The following TRAIP variants were observed in gnomAD, a reference collection of about 807,000 sequenced individuals.
TRAIP encodes TRAF interacting protein, also known as E3 ubiquitin-protein ligase TRAIP.
TRAIP carries 37 observed loss-of-function variants against 65.0 expected under a neutral mutation model. The ratio of observed to expected loss-of-function variants is 0.57; its 90% CI spans 0.44 to 0.75. The LOEUF is 0.75. Among genes scored for constraint, TRAIP ranks in the 30% least tolerant of loss-of-function variants. The probability of loss-of-function intolerance (pLI) is 0.00; values close to 1 mark genes in which losing one functional copy is unlikely to be tolerated. For synonymous variants in TRAIP, 187 were observed against 219.1 expected, an observed-to-expected ratio of 0.85 and a Z score of 1.29; for missense variants, 481 against 579.4, an observed-to-expected ratio of 0.83 and a Z score of 1.74.
At chr3:49,853,929 C>A (rs17598137) in intron 1 of TRAIP, among the ~76,000 whole-genome samples, 10,273 of 151,018 alleles carry the variant, frequency 0.068, 486 homozygotes, top group Non-Finnish European at 0.11. Context: ...AAAAAAAGTT[C>A]AATCCTGCAA....
chr3:49,852,259 C>T (rs1179145883), intron 1 of TRAIP, among the ~76,000 whole-genome samples: 5 of 150,992 alleles, frequency 3.3e-5, no homozygotes, highest in South Asian at 2.1e-4. Context: ...CCCAGCTACT[C>T]GGGAGGTTGA....
chr3:49,848,165 G>A lies in TRAIP; in HGVS notation c.134C>T (p.Thr45Ile). The A allele has an allele frequency of 6.2e-7, 1 of 1,614,228 alleles. No individual in the cohort carries two copies. The highest frequency in any genetic ancestry group is 8.5e-7 in the Non-Finnish European group (1 of 1,180,042). Reference protein sequence around the residue: ...IQWFETAPSRTCPQCRIQVGK... With the variant: ...IQWFETAPSRICPQCRIQVGK... Reference sequence around the variant, plus strand: ...CACCTGGATTCGGCACTGTGGGCAGGTCCGACTTGGTGCTGTCTCAAACCA... The same window carrying A: ...CACCTGGATTCGGCACTGTGGGCAGATCCGACTTGGTGCTGTCTCAAACCA... The change falls in exon 2 of 15, where the codon ACC (threonine) becomes ATC (isoleucine). Residue 45 changes from threonine to isoleucine, a missense_variant. Coordinates refer to ENST00000331456, the MANE Select transcript of TRAIP (RefSeq NM_005879.3).
chr3:49,852,668 T>C (rs895867853), intron 1 of TRAIP, among the ~76,000 whole-genome samples: 3 of 150,556 alleles, frequency 2.0e-5, no homozygotes, highest in Non-Finnish European at 4.4e-5. Context: ...GGCAGGAGAA[T>C]GGCGTGAACC....
chr3:49,840,135 G>A, intron 9 of TRAIP, 149 bp downstream of exon 9: 2 of 761,046 alleles, frequency 2.6e-6, no homozygotes, highest in South Asian at 3.4e-5. Context: ...CCGGACCAGG[G>A]CCAAGGGGCA....
chr3:49,829,857 A>G (rs1197498704), intron 12 of TRAIP, 91 bp from the exon 13 acceptor site: 1 of 1,584,340 alleles, frequency 6.3e-7, no homozygotes, highest in Non-Finnish European at 8.6e-7. Context: ...AGGATCTCTG[A>G]TGCCTCACTA....
At chr3:49,833,604 T>C (rs376308243) in intron 10 of TRAIP, among the ~76,000 whole-genome samples, 12 of 151,834 alleles carry the variant, frequency 7.9e-5, no homozygotes, top group African/African-American at 1.9e-4. Context: ...CTCAGCCTCC[T>C]GAGTAGCTGG....
intron 1 of TRAIP, among the ~76,000 whole-genome samples, chr3:49,853,424 G>A (rs545459292): frequency 1.3e-5 from 2 of 152,236 alleles, no homozygotes; most frequent in East Asian, 3.9e-4. Context: ...GGCTAACATA[G>A]CGAGACCTTG....
In TRAIP at chr3:49,832,056, C is replaced by T. The variant is rs558050504; in HGVS notation, c.897G>A (p.Val299=). 1 of 1,594,480 alleles carries T rather than the reference C, an allele frequency of 6.3e-7. No individual in the cohort carries two copies. The highest frequency in any genetic ancestry group is 1.7e-5 in the Admixed American group (1 of 57,932). ...DRLVLESPAP[V]EVNLKLRRPS... is the part of the protein sequence containing the mutation. ...GCCGGCGGAGCTTCAGATTCACCTC[C>T]ACAGGGGCTGGGCTGAAGGCAGAGA... is the stretch of plus-strand genomic sequence containing the variant. The change falls in exon 11 of 15, where the codon GTG becomes GTA. Residue 299 remains valine, a synonymous_variant. Transcript: ENST00000331456.
At chr3:49,831,559 G>A (rs2081733111) in intron 11 of TRAIP, among the ~76,000 whole-genome samples, 1 of 152,222 alleles carries the variant, frequency 6.6e-6, no homozygotes, top group Non-Finnish European at 1.5e-5. Flanking sequence ...GGCAAACATA[G>A]AAGAGGAAGT....
At chr3:49,850,782 G>A (rs1276329405) in intron 1 of TRAIP, among the ~76,000 whole-genome samples, 6 of 147,738 alleles carry the variant, frequency 4.1e-5, no homozygotes, top group Non-Finnish European at 5.9e-5. Context: ...AGCCTCCCGA[G>A]TAGCTGGGGT....
chr3:49,847,427 G>A, intron 3 of TRAIP, 98 bp downstream of exon 3: 1 of 766,560 alleles, frequency 1.3e-6, no homozygotes, highest in Admixed American at 2.4e-5. Flanking sequence ...GAAAAGAGAA[G>A]AGAAGAGAAG....
chr3:49,832,698 C>A (rs2081745115), intron 10 of TRAIP, among the ~76,000 whole-genome samples: 2 of 16,566 alleles, frequency 1.2e-4, no homozygotes, highest in Non-Finnish European at 3.0e-4. Context: ...ACTTTTATAA[C>A]ACGGGGGGGG....
intron 12 of TRAIP, 91 bp downstream of exon 12, chr3:49,829,929 C>T: frequency 1.3e-6 from 2 of 1,589,730 alleles, no homozygotes; most frequent in Non-Finnish European, 1.7e-6. Flanking sequence ...CAGTCCTGGA[C>T]CAGGAGTGAC....
chr3:49,837,438 G>A (rs1445728399), intron 10 of TRAIP, among the ~76,000 whole-genome samples: 1 of 151,960 alleles, frequency 6.6e-6, no homozygotes, highest in Admixed American at 6.6e-5. Flanking sequence ...ACTCCAGCCT[G>A]GGCAACAGAA....
intron 1 of TRAIP, among the ~76,000 whole-genome samples, chr3:49,850,632 G>A (rs1472625453): frequency 6.7e-6 from 1 of 150,246 alleles, no homozygotes; most frequent in East Asian, 1.9e-4. Flanking sequence ...AAGGTTTCTA[G>A]AGCTGATAAT....
intron 1 of TRAIP, among the ~76,000 whole-genome samples, chr3:49,851,430 C>T (rs1262803289): frequency 1.3e-5 from 2 of 152,212 alleles, no homozygotes; most frequent in African/African-American, 4.8e-5. Flanking sequence ...ACTCTGTCAT[C>T]CAGGCTGGAG....
intron 5 of TRAIP, 31 bp from the exon 6 acceptor site, chr3:49,842,578 T>C (rs768163342): frequency 3.8e-6 from 6 of 1,597,762 alleles, no homozygotes; most frequent in Non-Finnish European, 5.1e-6. Flanking sequence ...TACCTGATGC[T>C]TGGAGGCCCT....
chr3:49,852,803 C>G (rs560532365), intron 1 of TRAIP, among the ~76,000 whole-genome samples: 2 of 151,682 alleles, frequency 1.3e-5, no homozygotes, highest in Admixed American at 1.3e-4. Context: ...TTAAAGAAAT[C>G]TAATGAATCC....
chr3:49,848,097 T>C (rs945888250), intron 2 of TRAIP, 46 bp downstream of exon 2: 9 of 1,604,760 alleles, frequency 5.6e-6, no homozygotes, highest in Non-Finnish European at 6.8e-6. Context: ...TGCTCTCTGC[T>C]AAGGAGATCT....
Sources: gnomAD v4.1 joint callset for allele counts (sites outside exome capture counted in the v4.1 genomes callset) on GRCh38, gnomAD v4.1.1 for gene constraint, MANE v1.5 for transcripts, NCBI Gene and HGNC (gene_info 2026-07-23, HGNC 2026-07-21) for gene names.